FOXP1: variants seen among roughly 807,000 people sequenced by gnomAD.
The protein encoded by FOXP1 is forkhead box protein P1.
A neutral mutation model predicts 98.2 loss-of-function variants in FOXP1; 15 were observed. The ratio of observed to expected loss-of-function variants is 0.15; its 90% CI spans 0.10 to 0.24. The LOEUF (loss-of-function observed/expected upper bound fraction) is 0.24. Among genes scored for constraint, FOXP1 ranks in the 10% least tolerant of loss-of-function variants. FOXP1 has a pLI of 1.00. For missense variants in FOXP1, 633 were observed against 848.5 expected (o/e 0.75, Z 3.15); for synonymous variants, 371 against 314.5 (o/e 1.18, Z -1.90).
At chr3:71,048,341 T>TA (rs2107011000) in intron 9 of FOXP1, among the ~76,000 whole-genome samples, 1 of 152,310 alleles carries the variant, frequency 6.6e-6, no homozygotes, top group Non-Finnish European at 1.5e-5. Context: ...GATACATCCA[T>TA]AAAATGGTAT....
rs1430929857 is a variant in FOXP1 at position 70,958,030 on chromosome 3, C to A, written c.*1217G>T. The A allele has an allele frequency of 4.1e-6, 1 of 246,774 alleles. No homozygotes were observed. The highest frequency in any genetic ancestry group is 2.2e-5 in the African/African-American group (1 of 45,250). The allele number at this position is 246,774 out of a possible 1,614,324, so 15.3% of individuals were successfully genotyped here. The stretch of plus-strand genomic sequence containing the variant: ...ATTTTGCAAACAAAACCAACCCACA[C>A]CCGTTATCGCAGAGCACCCAAGGCC... On this transcript the variant is annotated 3_prime_UTR_variant, in exon 21 of 21. Coordinates refer to ENST00000649528, the MANE Select transcript of FOXP1 (RefSeq NM_001349338.3).
intron 6 of FOXP1, among the ~76,000 whole-genome samples, chr3:71,118,534 A>G (rs1384499391): frequency 6.6e-6 from 1 of 152,220 alleles, no homozygotes; most frequent in African/African-American, 2.4e-5. Context: ...AAATCTTTCT[A>G]AAATGTTTTG....
intron 7 of FOXP1, among the ~76,000 whole-genome samples, chr3:71,070,464 T>C (rs970719056): frequency 1.1e-4 from 16 of 152,206 alleles, no homozygotes. Context: ...ACAGTATATT[T>C]GGCTGACTCG....
At chr3:71,383,172 G>A (rs1289046950) in intron 3 of FOXP1, among the ~76,000 whole-genome samples, 2 of 152,178 alleles carry the variant, frequency 1.3e-5, no homozygotes, top group African/African-American at 4.8e-5. Context: ...ATGAGAAGAT[G>A]GGCCAGCTCC....
intron 4 of FOXP1, chr3:71,302,689 G>T (rs1339452491): frequency 6.6e-6 from 1 of 151,918 alleles, no homozygotes; most frequent in Non-Finnish European, 1.5e-5. Context: ...ATGGTAAACA[G>T]AAATTACTTA....
At chr3:71,111,301 G>A (rs933802013) in intron 7 of FOXP1, among the ~76,000 whole-genome samples, 1 of 152,220 alleles carries the variant, frequency 6.6e-6, no homozygotes, top group Admixed American at 6.5e-5. Flanking sequence ...CGGGTGCCAA[G>A]TGCCCTCTCT....
rs140743913 is a variant in FOXP1, at chr3:71,023,486, C to T, written c.870-7833G>A. On this transcript the variant is annotated intron_variant, in intron 11 of 20. Coordinates refer to ENST00000649528, the MANE Select transcript of FOXP1 (RefSeq NM_001349338.3). ...TAAAGAGTGTCTTAAGCTACACTTACGCTACAATGGCAGGCATCGATGGAA... is the reference window on the plus strand; with the variant it reads ...TAAAGAGTGTCTTAAGCTACACTTATGCTACAATGGCAGGCATCGATGGAA... Among the ~76,000 whole-genome samples, 4 of 152,184 alleles carry T rather than the reference C, an allele frequency of 2.6e-5. 1 individual carries two copies. Among genetic ancestry groups the T allele is most frequent in the Non-Finnish European group, 5.9e-5 (4 of 68,028 alleles).
Position 70,971,972 on chromosome 3 carries a change from CA to C in FOXP1, c.1652+582del, listed in dbSNP as rs564254307. ...AGTCAACCATGCAAAGCCAAAGCAA[CA>C]GCAGAAAAAAAAAACAAAAGCAAGT... On this transcript the variant is annotated intron_variant, in intron 18 of 20. Transcript: ENST00000649528. The C allele has an allele frequency of 3.3e-4, 453 of 1,357,170 alleles. 1 individual carries two copies. The highest frequency in any genetic ancestry group is 1.8e-3 in the South Asian group (91 of 50,250). 84.1% of individuals were successfully genotyped at this position (1,357,170 alleles called of 1,614,324 possible).
chr3:71,256,608 G>A lies in FOXP1; in HGVS notation c.-12+43212C>T, dbSNP rs142978443. On this transcript the variant is annotated intron_variant, in intron 5 of 20. Coordinates refer to ENST00000649528, the MANE Select transcript of FOXP1 (RefSeq NM_001349338.3). ...CATGTTGGCCAGGATGGTCTCAACC[G>A]CTTAACCTCATGATTCACCTGCCTC... 5.3e-4 allele frequency among the ~76,000 whole-genome samples: 80 copies of A among 152,082 alleles called. 1 individual carries two copies. In the East Asian group the frequency reaches 0.015, roughly 28 times the overall value.
At chr3:71,135,367 T>G (rs2059774131) in intron 6 of FOXP1, among the ~76,000 whole-genome samples, 1 of 151,142 alleles carries the variant, frequency 6.6e-6, no homozygotes, top group Non-Finnish European at 1.5e-5. Context: ...CATTTGTACA[T>G]GTAAAGATTA....
In FOXP1 at chr3:70,956,985, T is replaced by C. The variant is rs1575639161; in HGVS notation, c.*2262A>G. The stretch of plus-strand genomic sequence containing the variant: ...GGATATATGCCAAGATAAACCAAAA[T>C]TAATACAGTGATCACAGCACAGTTC... On this transcript the variant is annotated 3_prime_UTR_variant, in exon 21 of 21. Transcript: ENST00000649528. 1 of 219,792 alleles carries C rather than the reference T, an allele frequency of 4.5e-6. No homozygotes were observed. The highest frequency in any genetic ancestry group is 6.8e-5 in the East Asian group (1 of 14,808). The allele number at this position is 219,792 out of a possible 1,614,324, so 13.6% of individuals were successfully genotyped here. A position where few individuals can be genotyped will look rare whatever the true frequency, so the allele number is the denominator to read the frequency against.
intron 6 of FOXP1, among the ~76,000 whole-genome samples, chr3:71,193,685 G>C: frequency 6.6e-6 from 1 of 152,062 alleles, no homozygotes; most frequent in African/African-American, 2.4e-5. Flanking sequence ...CTGGCCCCAA[G>C]TGATCAGCCC....
intron 14 of FOXP1, 42 bp downstream of exon 14, chr3:70,987,952 G>T (rs370885271): frequency 1.4e-4 from 220 of 1,572,874 alleles, no homozygotes; most frequent in Non-Finnish European, 1.5e-4. Context: ...AAGGAATACT[G>T]TGAGTTTTGT....
intron 5 of FOXP1, among the ~76,000 whole-genome samples, chr3:71,208,062 T>C (rs563611355): frequency 1.3e-5 from 2 of 152,292 alleles, no homozygotes; most frequent in South Asian, 2.1e-4. Context: ...GCAGGGGGGA[T>C]TTATTCAGAA....
intron 5 of FOXP1, among the ~76,000 whole-genome samples, chr3:71,250,880 G>A (rs1246156017): frequency 3.9e-5 from 6 of 152,054 alleles, no homozygotes; most frequent in African/African-American, 7.2e-5. Context: ...GCAGTGAGCC[G>A]AAACTGCGCC....
intron 4 of FOXP1, among the ~76,000 whole-genome samples, chr3:71,341,358 G>A (rs984242397): frequency 3.3e-5 from 5 of 152,144 alleles, no homozygotes; most frequent in Admixed American, 6.6e-5. Flanking sequence ...TATAACCAAC[G>A]AATTAAAGGA....
intron 3 of FOXP1, among the ~76,000 whole-genome samples, chr3:71,413,204 C>T (rs1283806183): frequency 7.6e-5 from 6 of 78,704 alleles, no homozygotes; most frequent in Non-Finnish European, 1.4e-4. Flanking sequence ...ACACCACCCC[C>T]CCAAATAGAC....
intron 5 of FOXP1, among the ~76,000 whole-genome samples, chr3:71,291,253 G>A (rs977576391): frequency 2.6e-5 from 4 of 152,144 alleles, no homozygotes; most frequent in Non-Finnish European, 4.4e-5. Context: ...TAACTGTGAC[G>A]CTTTTCAGAA....
At chr3:71,287,380 G>C (rs2107470256) in intron 5 of FOXP1, among the ~76,000 whole-genome samples, 1 of 152,204 alleles carries the variant, frequency 6.6e-6, no homozygotes, top group South Asian at 2.1e-4. Flanking sequence ...GCTGAGGGGA[G>C]AGGATCACCT....
Sources: gnomAD v4.1 joint callset for allele counts (sites outside exome capture counted in the v4.1 genomes callset) on GRCh38, gnomAD v4.1.1 for gene constraint, MANE v1.5 for transcripts, NCBI Gene and HGNC (gene_info 2026-07-23, HGNC 2026-07-21) for gene names.